The following TMED10 variants were observed in gnomAD, a reference collection of about 807,000 sequenced individuals.
TMED10 encodes the protein transmembrane emp24 domain-containing protein 10.
In TMED10, 7 loss-of-function variants were observed where a neutral mutation model predicts 23.1. The ratio of observed to expected loss-of-function variants is 0.30; its 90% CI spans 0.17 to 0.57. The LOEUF is 0.57. Among genes scored for constraint, TMED10 ranks in the 20% least tolerant of loss-of-function variants. TMED10 has a pLI of 0.91. For synonymous variants in TMED10, 113 were observed against 106.9 expected (o/e 1.06, Z -0.35); for missense variants, 162 against 274.8 (o/e 0.59, Z 2.90).
intron 1 of TMED10, among the ~76,000 whole-genome samples, chr14:75,164,578 T>TATATATA (rs1491537866): frequency 2.0e-4 from 1 of 5,006 alleles, no homozygotes; most frequent in Admixed American, 1.7e-3. Flanking sequence ...TATATATATA[T>TATATATA]TTTTTTTTTT....
chr14:75,155,700 G>C (rs368111558), intron 1 of TMED10, among the ~76,000 whole-genome samples: 8 of 152,264 alleles, frequency 5.3e-5, no homozygotes, highest in South Asian at 2.1e-4. Flanking sequence ...TATCTAGGAG[G>C]GGGTAGCACA....
At chr14:75,135,318 T>C (rs1467351425) in intron 4 of TMED10, among the ~76,000 whole-genome samples, 2 of 152,132 alleles carry the variant, frequency 1.3e-5, no homozygotes, top group South Asian at 2.1e-4. Context: ...CTTGTGCCTA[T>C]AGTCCCAGCT....
intron 3 of TMED10, among the ~76,000 whole-genome samples, chr14:75,145,320 G>A (rs756107204): frequency 6.6e-6 from 1 of 152,162 alleles, no homozygotes; most frequent in African/African-American, 2.4e-5. Context: ...CTTTCCTAAT[G>A]TCTATAAAGT....
chr14:75,151,314 G>C (rs1379674048), intron 2 of TMED10, among the ~76,000 whole-genome samples: 1 of 151,950 alleles, frequency 6.6e-6, no homozygotes, highest in African/African-American at 2.4e-5. Context: ...CCACCTCCTG[G>C]GTTTAAGTGA....
At chr14:75,142,126 C>A (rs762008052) in intron 3 of TMED10, among the ~76,000 whole-genome samples, 10 of 152,160 alleles carry the variant, frequency 6.6e-5, no homozygotes, top group Non-Finnish European at 1.3e-4. Flanking sequence ...ATTCTACTCT[C>A]CTTCATCACT....
intron 3 of TMED10, among the ~76,000 whole-genome samples, chr14:75,144,798 C>T (rs1368459548): frequency 6.6e-6 from 1 of 152,216 alleles, no homozygotes; most frequent in Non-Finnish European, 1.5e-5. Context: ...GTTGGGACTA[C>T]AGGTACCCGC....
At chr14:75,161,060 GA>G (rs1221687313) in intron 1 of TMED10, among the ~76,000 whole-genome samples, 3 of 151,604 alleles carry the variant, frequency 2.0e-5, no homozygotes, top group Non-Finnish European at 4.4e-5. Context: ...AAAAGAGAAG[GA>G]AAAAAAAGTG....
chr14:75,135,097 T>C (rs1566668037), intron 4 of TMED10, 91 bp from the exon 5 acceptor site: 2 of 1,493,846 alleles, frequency 1.3e-6, no homozygotes, highest in Admixed American at 1.8e-5. Context: ...AGGCAATTAA[T>C]TAACTTCACT....
intron 1 of TMED10, among the ~76,000 whole-genome samples, chr14:75,175,480 C>T (rs1896291659): frequency 6.6e-6 from 1 of 152,096 alleles, no homozygotes; most frequent in Admixed American, 6.6e-5. Context: ...AGAATCTATT[C>T]CATCGCAAGG....
In TMED10 at chr14:75,164,575, ATATTT is replaced by A. The variant is rs1318041871; in HGVS notation, c.225+11775_225+11779del. Among the ~76,000 whole-genome samples, 3 of 29,742 alleles carry A rather than the reference ATATTT, an allele frequency of 1.0e-4. No homozygotes were observed. In the African/African-American group the frequency reaches 1.2e-3, roughly 12 times the overall value. The allele number at this position is 29,742 out of a possible 152,430, so 19.5% of individuals were successfully genotyped here. A position where few individuals can be genotyped will look rare whatever the true frequency, so the allele number is the denominator to read the frequency against. On this transcript the variant is annotated intron_variant, in intron 1 of 4. Transcript: ENST00000303575. ...TATATATATATATATATATATATAT[ATATTT>A]TTTTTTTTTTTTTTGTATTTTTAGA...
At chr14:75,161,551 T>C (rs1434550731) in intron 1 of TMED10, among the ~76,000 whole-genome samples, 1 of 152,174 alleles carries the variant, frequency 6.6e-6, no homozygotes, top group Non-Finnish European at 1.5e-5. Context: ...AAGATCCTCG[T>C]AAAAGGACTG....
At chr14:75,137,357 T>C (rs1895762424) in intron 3 of TMED10, among the ~76,000 whole-genome samples, 1 of 150,218 alleles carries the variant, frequency 6.7e-6, no homozygotes, top group Admixed American at 6.6e-5. Context: ...TCTTAAAGTT[T>C]CCACATAGAG....
chr14:75,143,268 G>A (rs556474763), intron 3 of TMED10, among the ~76,000 whole-genome samples: 1 of 152,212 alleles, frequency 6.6e-6, no homozygotes, highest in African/African-American at 2.4e-5. Context: ...AAAGCTACAA[G>A]TTACAAAGCC....
At chr14:75,174,822 C>T (rs922923522) in intron 1 of TMED10, among the ~76,000 whole-genome samples, 29 of 152,048 alleles carry the variant, frequency 1.9e-4, no homozygotes, top group Admixed American at 1.9e-3. Context: ...GCGGGCAGAT[C>T]ACGAGGTCAA....
At position 75,156,550 on chromosome 14, in the gene TMED10, C is replaced by T. The variant is rs145851107; in HGVS notation, c.226-4407G>A. 2.1e-3 allele frequency among the ~76,000 whole-genome samples: 326 copies of T among 152,224 alleles called. 2 individuals are homozygous for T. The East Asian group carries it at 0.036, about 17-fold the overall frequency. ...AAAGCCAATGACTGCCATGGCACTC[C>T]AGGTTTTCAGATCATCCAGTTTTTC... On this transcript the variant is annotated intron_variant, in intron 1 of 4. Transcript: ENST00000303575.
At chr14:75,159,380 T>G (rs1014389298) in intron 1 of TMED10, among the ~76,000 whole-genome samples, 1 of 152,228 alleles carries the variant, frequency 6.6e-6, no homozygotes, top group Non-Finnish European at 1.5e-5. Flanking sequence ...CAGCCTGGAA[T>G]AAGCATCAAG....
At chr14:75,151,005 CA>C (rs764591583) in intron 2 of TMED10, among the ~76,000 whole-genome samples, 24 of 151,576 alleles carry the variant, frequency 1.6e-4, no homozygotes, top group Non-Finnish European at 2.9e-4. Flanking sequence ...TGGGTTCAAA[CA>C]ATTCTCCTGC....
chr14:75,139,064 A>T (rs1365706030), intron 3 of TMED10: 1 of 424,962 alleles, frequency 2.4e-6, no homozygotes, highest in Non-Finnish European at 4.6e-6. Flanking sequence ...AATATAAACC[A>T]AAAGTCTACC....
At chr14:75,161,364 A>G (rs1170097475) in intron 1 of TMED10, among the ~76,000 whole-genome samples, 1 of 152,238 alleles carries the variant, frequency 6.6e-6, no homozygotes, top group African/African-American at 2.4e-5. Flanking sequence ...GGAAGAAAAA[A>G]GTCTTATCAA....
Sources: allele counts gnomAD v4.1 joint callset (sites outside exome capture counted in the v4.1 genomes callset), GRCh38; gene constraint gnomAD v4.1.1; transcripts MANE v1.5; gene names NCBI Gene and HGNC (gene_info 2026-07-23, HGNC 2026-07-21).